ZNF131: variants seen among roughly 807,000 people sequenced by gnomAD.
ZNF131 encodes the protein zinc finger and BTB domain containing 35.
In ZNF131, 7 loss-of-function variants were observed where a neutral mutation model predicts 60.0. The observed-to-expected ratio is 0.12, with a 90% CI of 0.07 to 0.22. The LOEUF (loss-of-function observed/expected upper bound fraction) is 0.22, where lower values mean the gene tolerates loss of function less well. Among genes scored for constraint, ZNF131 ranks in the 10% least tolerant of loss-of-function variants. ZNF131 has a pLI of 1.00. For synonymous variants in ZNF131, 257 were observed against 253.2 expected, an observed-to-expected ratio of 1.01 and a Z score of -0.14; for missense variants, 493 against 740.9, an observed-to-expected ratio of 0.67 and a Z score of 3.88.
chr5:43,138,945 A>C (rs1421982903), intron 3 of ZNF131, among the ~76,000 whole-genome samples: 1 of 152,208 alleles, frequency 6.6e-6, no homozygotes, highest in African/African-American at 2.4e-5. Context: ...ACTGTTCTCC[A>C]AGAGCCTCAG....
At chr5:43,173,501 G>A in intron 6 of ZNF131, 53 bp downstream of exon 6, 1 of 1,568,344 alleles carries the variant, frequency 6.4e-7, no homozygotes, top group African/African-American at 1.3e-5. Context: ...TGTGTTTGCA[G>A]TCATCAAAAG....
rs371533325 is a variant in ZNF131 at position 43,173,499 on chromosome 5, C to T, written c.1185+51C>T. The T allele has an allele frequency of 2.5e-5, 39 of 1,571,828 alleles. No individual in the cohort carries two copies. The Admixed American group carries it at 6.6e-4, about 27-fold the overall frequency. On this transcript the variant is annotated intron_variant, in intron 6 of 6. Transcript: ENST00000682664. ...TCTTAACAAAGGAGTCTTGTGTTTGCAGTCATCAAAAGCAAAGGGAAACAG... is the reference window on the plus strand; with the variant it reads ...TCTTAACAAAGGAGTCTTGTGTTTGTAGTCATCAAAAGCAAAGGGAAACAG...
At chr5:43,128,340 T>C (rs1744824214) in intron 3 of ZNF131, among the ~76,000 whole-genome samples, 1 of 152,074 alleles carries the variant, frequency 6.6e-6, no homozygotes, top group Non-Finnish European at 1.5e-5. Flanking sequence ...CCTAGGACAG[T>C]GTTGGGCTGG....
chr5:43,129,819 T>A (rs2030435612), intron 3 of ZNF131, among the ~76,000 whole-genome samples: 1 of 152,066 alleles, frequency 6.6e-6, no homozygotes, highest in African/African-American at 2.4e-5. Context: ...CACGCCCGGC[T>A]ACTTTTTGTA....
rs186421287 is a variant in ZNF131, at chr5:43,168,243, C to T, written c.1055-5075C>T. Among the ~76,000 whole-genome samples, 524 of 152,298 alleles carry T rather than the reference C, an allele frequency of 3.4e-3. 4 individuals are homozygous for T. The highest frequency in any genetic ancestry group is 0.014 in the Middle Eastern group (4 of 292). ...GTATTAACCTGAGTTTTGAAGGGGA[C>T]AAACATTCAAACTATAGCAGGTGGC... On this transcript the variant is annotated intron_variant, in intron 5 of 6. Coordinates refer to ENST00000682664, the MANE Select transcript of ZNF131 (RefSeq NM_001330707.2).
intron 4 of ZNF131, among the ~76,000 whole-genome samples, chr5:43,152,817 CCAGGCTGTTCTT>C (rs1260855002): frequency 6.6e-6 from 1 of 151,930 alleles, no homozygotes; most frequent in Admixed American, 6.6e-5. Context: ...ACTATGTTCT[CCAGGCTGTTCTT>C]AAACTCCCGG....
chr5:43,157,842 C>A (rs1749148024), intron 4 of ZNF131, among the ~76,000 whole-genome samples: 1 of 152,224 alleles, frequency 6.6e-6, no homozygotes, highest in African/African-American at 2.4e-5. Context: ...TAGCAGAACT[C>A]CAGTCTCTGC....
intron 4 of ZNF131, among the ~76,000 whole-genome samples, 192 bp from the exon 5 acceptor site, chr5:43,161,057 C>T (rs1455430831): frequency 2.0e-5 from 3 of 152,040 alleles, no homozygotes; most frequent in African/African-American, 7.2e-5. Flanking sequence ...CATTAATCTT[C>T]GTGTCTATGC....
intron 3 of ZNF131, among the ~76,000 whole-genome samples, chr5:43,135,764 G>A (rs1746003630): frequency 6.6e-6 from 1 of 152,098 alleles, no homozygotes; most frequent in East Asian, 1.9e-4. Flanking sequence ...GATCTTCATG[G>A]ATTTGGAACA....
chr5:43,156,744 G>A (rs181056970), intron 4 of ZNF131, among the ~76,000 whole-genome samples: 2 of 152,262 alleles, frequency 1.3e-5, no homozygotes, highest in East Asian at 3.9e-4. Context: ...AGTGACTAAA[G>A]AGTACACCTT....
intron 5 of ZNF131, among the ~76,000 whole-genome samples, chr5:43,172,835 AT>A (rs1176415561): frequency 1.3e-5 from 2 of 152,072 alleles, no homozygotes; most frequent in African/African-American, 4.8e-5. Context: ...TTTATAGTGC[AT>A]TGCATTTGTT....
chr5:43,155,000 C>G (rs1006127586), intron 4 of ZNF131, among the ~76,000 whole-genome samples: 3 of 152,122 alleles, frequency 2.0e-5, no homozygotes, highest in Non-Finnish European at 2.9e-5. Context: ...TGAGTTCTGC[C>G]CACTGAGCAG....
chr5:43,163,968 G>C (rs1750061399), intron 5 of ZNF131, among the ~76,000 whole-genome samples: 1 of 152,128 alleles, frequency 6.6e-6, no homozygotes, highest in Non-Finnish European at 1.5e-5. Flanking sequence ...GTCAGTATTC[G>C]AGGACTGAGT....
intron 4 of ZNF131, among the ~76,000 whole-genome samples, chr5:43,156,198 C>G (rs1748942949): frequency 6.6e-6 from 1 of 152,212 alleles, no homozygotes; most frequent in South Asian, 2.1e-4. Context: ...GCGTCCCTTT[C>G]CTGCTGTGAA....
At chr5:43,166,118 G>GTAA (rs1416872199) in intron 5 of ZNF131, among the ~76,000 whole-genome samples, 6 of 152,172 alleles carry the variant, frequency 3.9e-5, no homozygotes, top group African/African-American at 1.2e-4. Context: ...TGTTTGTTTC[G>GTAA]TTTAATCTTT....
chr5:43,141,655 G>A (rs1201989674), intron 4 of ZNF131, among the ~76,000 whole-genome samples: 4 of 151,870 alleles, frequency 2.6e-5, no homozygotes, highest in Admixed American at 6.6e-5. Context: ...GTAGTCCCAG[G>A]TACTCAGGAG....
intron 4 of ZNF131, among the ~76,000 whole-genome samples, chr5:43,150,902 T>G (rs1748223556): frequency 6.6e-6 from 1 of 152,212 alleles, no homozygotes; most frequent in South Asian, 2.1e-4. Flanking sequence ...CCCTGCCGTG[T>G]TGACCTTAAT....
In ZNF131 at chr5:43,174,566, A is replaced by G; in HGVS notation, c.1305A>G (p.Leu435=). 5.6e-6 allele frequency: 9 copies of G among 1,610,448 alleles called. No individual in the cohort carries two copies. Among genetic ancestry groups the G allele is most frequent in the Non-Finnish European group, 7.6e-6 (9 of 1,178,014 alleles). Residue 435 remains leucine (L), a synonymous_variant, in exon 7 of 7, where the codon TTA becomes TTG. Transcript: ENST00000682664. The part of the protein sequence containing the change: ...CDLWFMQGNE[L]RRHLSDAHNI... ...TGTGGTTTATGCAAGGAAATGAATT[A>G]AGGAGGCATCTCAGTGATGCTCACA...
At chr5:43,122,903 T>C (rs917173609) in intron 2 of ZNF131, among the ~76,000 whole-genome samples, 1 of 152,208 alleles carries the variant, frequency 6.6e-6, no homozygotes, top group African/African-American at 2.4e-5. Flanking sequence ...TTCAACTGAG[T>C]TGGATATGCT....
Sources: allele counts gnomAD v4.1 joint callset (sites outside exome capture counted in the v4.1 genomes callset), GRCh38; gene constraint gnomAD v4.1.1; transcripts MANE v1.5; gene names NCBI Gene and HGNC (gene_info 2026-07-23, HGNC 2026-07-21).